Variants in HEMK2 observed in about 807,000 individuals in gnomAD.
The protein encoded by HEMK2 is HemK methyltransferase 2, ETF1 glutamine and histone H4 lysine.
the HEMK2 span, among the ~76,000 whole-genome samples, chr21:28,790,680 T>C: frequency 2.6e-5 from 4 of 151,986 alleles, no homozygotes; most frequent in African/African-American, 7.3e-5. Flanking sequence ...GGAAAAAATA[T>C]TAATGAAGGA....
the HEMK2 span, among the ~76,000 whole-genome samples, chr21:28,864,081 T>A: frequency 3.1e-3 from 478 of 152,294 alleles, 5 homozygotes; most frequent in African/African-American, 0.011. Flanking sequence ...TCCACCCACC[T>A]TGGCCTCCCA....
chr21:28,676,674 T>A, the HEMK2 span, among the ~76,000 whole-genome samples: 1 of 152,050 alleles, frequency 6.6e-6, no homozygotes, highest in Non-Finnish European at 1.5e-5. Flanking sequence ...TCTTCCTGGG[T>A]GGTACCCAGG....
the HEMK2 span, among the ~76,000 whole-genome samples, chr21:28,689,549 C>T: frequency 6.6e-6 from 1 of 152,020 alleles, no homozygotes; most frequent in Non-Finnish European, 1.5e-5. Context: ...AATACAAACA[C>T]ATAAAACAAC....
chr21:28,786,189 C>T, the HEMK2 span, among the ~76,000 whole-genome samples: 2 of 152,330 alleles, frequency 1.3e-5, no homozygotes, highest in South Asian at 2.1e-4. Context: ...AGGCAAATCA[C>T]ACCGCCATGT....
At chr21:28,815,532 A>T in the HEMK2 span, among the ~76,000 whole-genome samples, 49,504 of 151,614 alleles carry the variant, frequency 0.33, 8,350 homozygotes, top group East Asian at 0.56. Flanking sequence ...CCCCCAAAAC[A>T]CAGTGGTGTC....
At chr21:28,672,335 G>T in the HEMK2 span, among the ~76,000 whole-genome samples, 3 of 151,808 alleles carry the variant, frequency 2.0e-5, no homozygotes. Flanking sequence ...AATTTCCACT[G>T]GAAATTTAAG....
At chr21:28,639,339 T>A in the HEMK2 span, among the ~76,000 whole-genome samples, 1 of 152,196 alleles carries the variant, frequency 6.6e-6, no homozygotes, top group Non-Finnish European at 1.5e-5. Flanking sequence ...CAGGTGTGCA[T>A]CAAGAAAAGT....
chr21:28,757,534 C>A, the HEMK2 span, among the ~76,000 whole-genome samples: 1 of 152,126 alleles, frequency 6.6e-6, no homozygotes, highest in African/African-American at 2.4e-5. Flanking sequence ...CTCCCCTGCC[C>A]AAATACAGAT....
chr21:28,607,133 G>A, the HEMK2 span, among the ~76,000 whole-genome samples: 4 of 152,086 alleles, frequency 2.6e-5, no homozygotes, highest in East Asian at 1.9e-4. Flanking sequence ...TTTGAGGGCC[G>A]GGTGCAGTGG....
chr21:28,709,734 G>C, the HEMK2 span, among the ~76,000 whole-genome samples: 1 of 152,082 alleles, frequency 6.6e-6, no homozygotes, highest in South Asian at 2.1e-4. Flanking sequence ...ATCAGACAGA[G>C]GGCAGGGGAG....
At chr21:28,675,846 A>T in the HEMK2 span, among the ~76,000 whole-genome samples, 1 of 152,190 alleles carries the variant, frequency 6.6e-6, no homozygotes, top group African/African-American at 2.4e-5. Context: ...AGTAATCCAG[A>T]ATGTTGCATC....
chr21:28,863,411 TATATATATATATATATATATATA>T, the HEMK2 span, among the ~76,000 whole-genome samples: 5 of 18,650 alleles, frequency 2.7e-4, no homozygotes, highest in African/African-American at 6.6e-4. Context: ...AACTCCCTTT[TATATATATATATATATATATATA>T]TATATATATA....
chr21:28,642,058 T>C, the HEMK2 span, among the ~76,000 whole-genome samples: 5 of 152,308 alleles, frequency 3.3e-5, no homozygotes, highest in South Asian at 2.1e-4. Flanking sequence ...AGCCATCACG[T>C]TGGGGCTCAA....
the HEMK2 span, among the ~76,000 whole-genome samples, chr21:28,734,409 AT>A: frequency 8.5e-5 from 13 of 152,106 alleles, no homozygotes; most frequent in African/African-American, 2.9e-4. Context: ...TGGCAAGACA[AT>A]TTTTTTAATA....
At chr21:28,600,456 A>T in the HEMK2 span, among the ~76,000 whole-genome samples, 453 of 152,342 alleles carry the variant, frequency 3.0e-3, 4 homozygotes, top group African/African-American at 0.011. Context: ...CAAAGTCCCT[A>T]GGCTGCACAC....
the HEMK2 span, among the ~76,000 whole-genome samples, chr21:28,760,640 C>A: frequency 2.7e-4 from 41 of 152,248 alleles, no homozygotes; most frequent in African/African-American, 9.9e-4. Context: ...ATCTTGAACA[C>A]TTTCCGTATC....
the HEMK2 span, among the ~76,000 whole-genome samples, chr21:28,829,455 C>G: frequency 0.18 from 27,075 of 152,124 alleles, 3,041 homozygotes; most frequent in East Asian, 0.4. Flanking sequence ...TTCCTCTCTC[C>G]CATCCTCTTT....
At chr21:28,693,127 T>C in the HEMK2 span, among the ~76,000 whole-genome samples, 3 of 152,162 alleles carry the variant, frequency 2.0e-5, no homozygotes, top group Non-Finnish European at 4.4e-5. Flanking sequence ...AAATGTACAC[T>C]TTAAAAGGGG....
At chr21:28,694,382 A>G in the HEMK2 span, among the ~76,000 whole-genome samples, 1 of 152,374 alleles carries the variant, frequency 6.6e-6, no homozygotes, top group African/African-American at 2.4e-5. Flanking sequence ...TGAGAAAAAC[A>G]ACAAAAGGAA....
Sources: allele counts gnomAD v4.1 joint callset (sites outside exome capture counted in the v4.1 genomes callset), GRCh38; gene constraint gnomAD v4.1.1; transcripts MANE v1.5; gene names NCBI Gene and HGNC (gene_info 2026-07-23, HGNC 2026-07-21).